The following CENPE variants were observed in gnomAD, a reference collection of about 807,000 sequenced individuals.
CENPE encodes centromere-associated protein E.
Under a neutral mutation model 336.1 loss-of-function variants are expected in CENPE, and 145 were observed. The ratio of observed to expected loss-of-function variants is 0.43; its 90% CI spans 0.38 to 0.50. CENPE has a LOEUF of 0.50. CENPE is among the 20% of genes least tolerant of loss of function. CENPE has a pLI of 0.00. For missense variants in CENPE, 2,719 were observed against 3,023.3 expected (o/e 0.90, Z 2.36); for synonymous variants, 1,013 against 984.8 (o/e 1.03, Z -0.54).
At chr4:103,140,152 T>C in intron 37 of CENPE, 73 bp from the exon 38 acceptor site, 1 of 1,443,720 alleles carries the variant, frequency 6.9e-7, no homozygotes, top group Non-Finnish European at 9.4e-7. Context: ...CTACTTGTGT[T>C]CTATATGCAC....
chr4:103,130,205 G>A (rs1751462809), intron 42 of CENPE, among the ~76,000 whole-genome samples: 1 of 152,110 alleles, frequency 6.6e-6, no homozygotes, highest in South Asian at 2.1e-4. Context: ...ACACAAATTT[G>A]TAAAGAAGAA....
At chr4:103,133,461 G>T (rs372982611) in intron 41 of CENPE, among the ~76,000 whole-genome samples, 1 of 152,168 alleles carries the variant, frequency 6.6e-6, no homozygotes, top group Non-Finnish European at 1.5e-5. Flanking sequence ...ATGTGGAGTT[G>T]TTGTAATAAA....
At chr4:103,133,212 C>A (rs959243737) in intron 41 of CENPE, among the ~76,000 whole-genome samples, 5 of 151,772 alleles carry the variant, frequency 3.3e-5, no homozygotes, top group African/African-American at 1.2e-4. Context: ...ACCTGAAGTG[C>A]ATCTTAATTT....
At chr4:103,169,786 T>C (rs1036635886) in intron 16 of CENPE, among the ~76,000 whole-genome samples, 5 of 152,196 alleles carry the variant, frequency 3.3e-5, no homozygotes, top group African/African-American at 9.7e-5. Flanking sequence ...TTACTGAGTA[T>C]ATACCCAAAG....
chr4:103,119,989 C>G (rs1176583937), intron 44 of CENPE, among the ~76,000 whole-genome samples, 159 bp downstream of exon 44: 1 of 151,816 alleles, frequency 6.6e-6, no homozygotes, highest in Admixed American at 6.6e-5. Context: ...CATTTCACTT[C>G]TAAGTTAAGC....
intron 39 of CENPE, 134 bp from the exon 40 acceptor site, chr4:103,136,493 T>A: frequency 1.9e-6 from 1 of 537,518 alleles, no homozygotes; most frequent in Non-Finnish European, 3.1e-6. Flanking sequence ...CCTTTGTGTC[T>A]AAAAACAAAA....
intron 8 of CENPE, among the ~76,000 whole-genome samples, 191 bp from the exon 9 acceptor site, chr4:103,186,052 T>A (rs113234724): frequency 3.1e-4 from 47 of 152,320 alleles, no homozygotes; most frequent in African/African-American, 1.1e-3. Context: ...TTTCTTTATA[T>A]CTTCCATAAT....
At chr4:103,149,024 A>G (rs752260745) in intron 27 of CENPE, 25 bp from the exon 28 acceptor site, 1 of 1,604,804 alleles carries the variant, frequency 6.2e-7, no homozygotes, top group Admixed American at 1.7e-5. Context: ...TTTAAAGAAT[A>G]TTGTAATATT....
chr4:103,155,939 T>C (rs1230681104), intron 24 of CENPE, among the ~76,000 whole-genome samples: 1 of 152,192 alleles, frequency 6.6e-6, no homozygotes, highest in Non-Finnish European at 1.5e-5. Flanking sequence ...TCAGTAGCAT[T>C]TCTGTACACT....
chr4:103,196,379 G>T, intron 2 of CENPE, 127 bp from the exon 3 acceptor site: 1 of 753,098 alleles, frequency 1.3e-6, no homozygotes. Context: ...AACTATTTAA[G>T]ACACAGTATT....
At position 103,105,940 on chromosome 4, in the gene CENPE, A is replaced by G. The variant is rs558256181; in HGVS notation, c.*282T>C. The G allele has an allele frequency of 3.6e-5, 8 of 224,730 alleles. No individual in the cohort carries two copies. Among genetic ancestry groups the G allele is most frequent in the Non-Finnish European group, 6.9e-5 (8 of 115,638 alleles). 13.9% of individuals were successfully genotyped at this position (224,730 alleles called of 1,614,324 possible). On this transcript the variant is annotated 3_prime_UTR_variant, in exon 49 of 49. Transcript: ENST00000265148. ...TATGCTAAGTCATGTAGATAACTTTACATTTCTTTCAATAACTTTATTCTT... is the reference window on the plus strand; with the variant it reads ...TATGCTAAGTCATGTAGATAACTTTGCATTTCTTTCAATAACTTTATTCTT...
Position 103,108,963 on chromosome 4 carries a change from T to C in CENPE, c.7851A>G (p.Lys2617=). The C allele has an allele frequency of 6.2e-7, 1 of 1,613,934 alleles. No homozygotes were observed. Among genetic ancestry groups the C allele is most frequent in the Non-Finnish European group, 8.5e-7 (1 of 1,179,854 alleles). ...KSPKVTGTAS[K]KKQITPSQCK... ...ATTGAGAGGGTGTAATTTGTTTCTT[T>C]TTAGAAGCTGTTCCAGTCACTTTAG... The change falls in exon 48 of 49, where the codon AAA becomes AAG. Residue 2617 remains lysine, a synonymous_variant. Transcript: ENST00000265148.
At position 103,176,016 on chromosome 4, in the gene CENPE, T is replaced by G; in HGVS notation, c.1423A>C (p.Thr475Pro). ...VCSESDVFSNTLDTLSEIEWN... is the reference protein window; with the variant it reads ...VCSESDVFSNPLDTLSEIEWN... ...TCTATCTCACTTAATGTATCAAGAG[T>G]GTTACTGAAAACATCAGACTCTGAA... The change falls in exon 15 of 49, where the codon ACT (threonine) becomes CCT (proline). Residue 475 changes from threonine to proline, a missense_variant. Thr to Pro is a conservative substitution (Grantham distance 38). Around this residue, in one of 5 missense-constraint regions of CENPE, gnomAD observed 2,437 missense variants for 2,513.3 expected, o/e 0.97. Coordinates refer to ENST00000265148, the MANE Select transcript of CENPE (RefSeq NM_001813.3). 3 of 1,604,804 alleles carry G rather than the reference T, an allele frequency of 1.9e-6. No individual in the cohort carries two copies. Among genetic ancestry groups the G allele is most frequent in the Non-Finnish European group, 2.6e-6 (3 of 1,175,760 alleles).
At chr4:103,169,112 C>G (rs1031420392) in intron 16 of CENPE, among the ~76,000 whole-genome samples, 14 of 151,888 alleles carry the variant, frequency 9.2e-5, no homozygotes, top group Admixed American at 1.3e-4. Flanking sequence ...AATAAAAAAA[C>G]CAAACAGAAA....
Position 103,133,856 on chromosome 4 carries a change from GTTC to G in CENPE, c.6556_6558del (p.Glu2186del), listed in dbSNP as rs746525684. ...TCAAATTTATTGATGGATTCATGTT[GTTC>G]TTCTTTTATTTTTGTAACATAGCTT... On this transcript the variant is annotated inframe_deletion, in exon 41 of 49. Coordinates refer to ENST00000265148, the MANE Select transcript of CENPE (RefSeq NM_001813.3). 1.1e-5 allele frequency: 17 copies of G among 1,593,780 alleles called. No homozygotes were observed. Among genetic ancestry groups the G allele is most frequent in the Non-Finnish European group, 1.5e-5 (17 of 1,166,398 alleles).
chr4:103,120,385 G>T, intron 43 of CENPE, 52 bp from the exon 44 acceptor site: 1 of 1,439,380 alleles, frequency 6.9e-7, no homozygotes. Context: ...CAGAATCACA[G>T]TATAGAAATT....
In CENPE at chr4:103,185,886, C is replaced by T. The variant is rs17283278; in HGVS notation, c.694-25G>A. The T allele has an allele frequency of 0.19, 289,386 of 1,526,172 alleles. 29,149 individuals are homozygous for T. Among genetic ancestry groups the T allele is most frequent in the Non-Finnish European group, 0.2 (222,812 of 1,110,062 alleles). The allele number at this position is 1,526,172 out of a possible 1,614,324, so 94.5% of individuals were successfully genotyped here. On this transcript the variant is annotated intron_variant, in intron 8 of 48. Transcript: ENST00000265148. ...TCTGTAAGATAGATAAAAATAAATC[C>T]TTAGGGCAGATAATTTGAAATAATA... is the stretch of plus-strand genomic sequence containing the variant.
In CENPE at chr4:103,151,251, G is replaced by A. The variant is rs201169432; in HGVS notation, c.3364C>T (p.Leu1122=). The A allele has an allele frequency of 1.6e-5, 26 of 1,600,638 alleles. No homozygotes were observed. The highest frequency in any genetic ancestry group is 2.1e-5 in the Non-Finnish European group (25 of 1,176,992). ...EGELSRTCDR[L]AEVEEKLKEK... is the part of the protein sequence containing the mutation. ...TTTAGTTTTTCTTCAACTTCTGCCA[G>A]TCTGTCACAGGTCCTAGAAAGCTCT... Residue 1122 remains leucine, a synonymous_variant, in exon 26 of 49, where the codon CTG becomes TTG. Transcript: ENST00000265148.
chr4:103,183,129 G>T, intron 10 of CENPE, 72 bp downstream of exon 10: 1 of 1,155,528 alleles, frequency 8.7e-7, no homozygotes, highest in Non-Finnish European at 1.3e-6. Flanking sequence ...GAGTGTCATC[G>T]AAATGTTGCA....
Sources: allele counts gnomAD v4.1 joint callset (sites outside exome capture counted in the v4.1 genomes callset), GRCh38; gene constraint gnomAD v4.1.1; regional missense constraint gnomAD v4.1.1; transcripts MANE v1.5; gene names NCBI Gene and HGNC (gene_info 2026-07-23, HGNC 2026-07-21).